The following SDK1 variants were observed in gnomAD, a reference collection of about 807,000 sequenced individuals.
SDK1 encodes sidekick cell adhesion molecule 1.
In SDK1, 157 loss-of-function variants were observed where a neutral mutation model predicts 245.5. The observed-to-expected ratio is 0.64, with a 90% confidence interval of 0.56 to 0.73. The LOEUF (loss-of-function observed/expected upper bound fraction) is 0.73. Ranked by LOEUF, SDK1 falls within the 30% of genes least tolerant of loss-of-function variation. The probability of loss-of-function intolerance (pLI) is 0.00; values close to 1 mark genes in which losing one functional copy is unlikely to be tolerated. For missense variants in SDK1, 3,583 were observed against 3,002.3 expected, an observed-to-expected ratio of 1.19 and a Z score of -4.52; for synonymous variants, 1,647 against 1,278.5, an observed-to-expected ratio of 1.29 and a Z score of -6.15.
intron 1 of SDK1, among the ~76,000 whole-genome samples, chr7:3,597,930 T>C (rs1173784056): frequency 7.0e-6 from 1 of 142,700 alleles, no homozygotes; most frequent in African/African-American, 3.0e-5. Flanking sequence ...GGATGTATGC[T>C]TTTTTTCCTC....
chr7:4,016,939 A>T (rs1342146844), intron 16 of SDK1, among the ~76,000 whole-genome samples: 1 of 152,336 alleles, frequency 6.6e-6, no homozygotes, highest in East Asian at 1.9e-4. Flanking sequence ...CTTAACCGTT[A>T]TGTAGTTGAA....
intron 25 of SDK1, among the ~76,000 whole-genome samples, chr7:4,123,225 A>C (rs1254407548): frequency 6.6e-6 from 1 of 152,220 alleles, no homozygotes; most frequent in East Asian, 1.9e-4. Context: ...CTCTTTTTGC[A>C]GACAGGGACA....
intron 10 of SDK1, among the ~76,000 whole-genome samples, chr7:3,968,286 G>A (rs945127660): frequency 1.5e-4 from 23 of 152,212 alleles, no homozygotes; most frequent in African/African-American, 4.1e-4. Context: ...CCCATAGCCC[G>A]TTCCATGAGG....
At chr7:3,690,858 T>G (rs1784420661) in intron 4 of SDK1, among the ~76,000 whole-genome samples, 1 of 152,198 alleles carries the variant, frequency 6.6e-6, no homozygotes, top group Admixed American at 6.5e-5. Flanking sequence ...TATAAGAACT[T>G]TCATAATAGA....
In SDK1 at chr7:4,079,595, C is replaced by G. The variant is rs775134401; in HGVS notation, c.3324+11C>G. ...ATTGTTGAGGGGCAGGTACGTGTGT[C>G]GTTAGACTGGGAGCTGGCATTTGCG... On this transcript the variant is annotated intron_variant, in intron 22 of 44. Transcript: ENST00000404826. 1 of 1,613,768 alleles carries G rather than the reference C, an allele frequency of 6.2e-7. No homozygotes were observed. Among genetic ancestry groups the G allele is most frequent in the South Asian group, 1.1e-5 (1 of 91,046 alleles).
intron 4 of SDK1, among the ~76,000 whole-genome samples, chr7:3,747,568 T>C (rs1297015877): frequency 6.6e-6 from 1 of 151,904 alleles, no homozygotes; most frequent in Non-Finnish European, 1.5e-5. Flanking sequence ...AGGAATAGAG[T>C]AGTGATGAAA....
chr7:4,087,326 G>C (rs1562790284), intron 22 of SDK1, among the ~76,000 whole-genome samples: 1 of 151,994 alleles, frequency 6.6e-6, no homozygotes, highest in Admixed American at 6.6e-5. Context: ...TACGCACTTT[G>C]GTCTATTTCT....
intron 5 of SDK1, among the ~76,000 whole-genome samples, chr7:3,895,869 T>C (rs1781591440): frequency 5.3e-5 from 8 of 152,204 alleles, no homozygotes; most frequent in Admixed American, 4.6e-4. Flanking sequence ...TGTTGTTAAG[T>C]TCTAACTCTT....
intron 1 of SDK1, among the ~76,000 whole-genome samples, chr7:3,505,769 G>A (rs755778827): frequency 6.6e-6 from 1 of 152,100 alleles, no homozygotes; most frequent in Non-Finnish European, 1.5e-5. Flanking sequence ...TGTAGATGTG[G>A]AGAACTGACC....
intron 4 of SDK1, among the ~76,000 whole-genome samples, chr7:3,737,965 C>G (rs1486548234): frequency 1.3e-5 from 2 of 152,196 alleles, no homozygotes; most frequent in African/African-American, 4.8e-5. Flanking sequence ...TTGGTTCTGC[C>G]TCATCCCCTT....
intron 1 of SDK1, among the ~76,000 whole-genome samples, chr7:3,579,050 G>C (rs1261880129): frequency 1.3e-5 from 2 of 151,918 alleles, no homozygotes; most frequent in Admixed American, 6.6e-5. Context: ...CGCGGCTCCA[G>C]CTGGTCCCTC....
At chr7:3,301,951 C>G in intron 1 of SDK1, 67 bp downstream of exon 1, 3 of 1,050,166 alleles carry the variant, frequency 2.9e-6, no homozygotes, top group Non-Finnish European at 3.5e-6. Flanking sequence ...ACTTGAGCAG[C>G]GAGAGTGTGT....
chr7:3,877,098 C>T (rs1260761996), intron 5 of SDK1, among the ~76,000 whole-genome samples: 1 of 152,142 alleles, frequency 6.6e-6, no homozygotes, highest in Non-Finnish European at 1.5e-5. Flanking sequence ...GCTTCAGAAC[C>T]AGAGAGGCAT....
chr7:4,250,260 T>C (rs944025659), intron 44 of SDK1, among the ~76,000 whole-genome samples: 4 of 152,252 alleles, frequency 2.6e-5, no homozygotes, highest in African/African-American at 9.6e-5. Flanking sequence ...TCACATTGTT[T>C]GTTTTAAAAT....
intron 1 of SDK1, among the ~76,000 whole-genome samples, chr7:3,330,472 C>G (rs1478625729): frequency 6.6e-6 from 1 of 152,088 alleles, no homozygotes; most frequent in Non-Finnish European, 1.5e-5. Context: ...TAAAGGTCAT[C>G]AGGGTGAGGC....
At chr7:3,314,828 T>G (rs1779627446) in intron 1 of SDK1, among the ~76,000 whole-genome samples, 1 of 152,232 alleles carries the variant, frequency 6.6e-6, no homozygotes, top group East Asian at 1.9e-4. Flanking sequence ...ACAATTGCTT[T>G]ACTTCAAAAA....
chr7:3,541,068 A>C (rs1485500130), intron 1 of SDK1, among the ~76,000 whole-genome samples: 1 of 152,216 alleles, frequency 6.6e-6, no homozygotes, highest in Non-Finnish European at 1.5e-5. Context: ...AACATTTGAC[A>C]CAATCATTTC....
chr7:3,827,976 C>G (rs1271858793), intron 5 of SDK1, among the ~76,000 whole-genome samples: 2 of 152,182 alleles, frequency 1.3e-5, no homozygotes, highest in Non-Finnish European at 2.9e-5. Context: ...TCTGTCCTAA[C>G]TAATACATTA....
chr7:3,403,068 G>A (rs1048858300), intron 1 of SDK1, among the ~76,000 whole-genome samples: 3 of 152,062 alleles, frequency 2.0e-5, no homozygotes, highest in South Asian at 2.1e-4. Context: ...CCCAGTAGCT[G>A]GGATTACAGC....
Sources: gnomAD v4.1 joint callset for allele counts (sites outside exome capture counted in the v4.1 genomes callset) on GRCh38, gnomAD v4.1.1 for gene constraint, MANE v1.5 for transcripts, NCBI Gene and HGNC (gene_info 2026-07-23, HGNC 2026-07-21) for gene names.